TBC1D22A: variants seen among roughly 807,000 people sequenced by gnomAD.
The protein encoded by TBC1D22A is TBC1 domain family member 22A.
A neutral mutation model predicts 60.2 loss-of-function variants in TBC1D22A; 38 were observed. That is an observed-to-expected ratio of 0.63 (90% CI 0.49 to 0.83). The LOEUF (loss-of-function observed/expected upper bound fraction) is 0.83, where lower values mean the gene tolerates loss of function less well. TBC1D22A is among the 40% of genes least tolerant of loss of function. TBC1D22A has a pLI of 0.00. For missense variants in TBC1D22A, 628 were observed against 701.0 expected, an observed-to-expected ratio of 0.90 and a Z score of 1.18; for synonymous variants, 302 against 281.7, an observed-to-expected ratio of 1.07 and a Z score of -0.72.
chr22:47,067,057 G>A (rs1162023758), intron 11 of TBC1D22A, among the ~76,000 whole-genome samples: 1 of 152,158 alleles, frequency 6.6e-6, no homozygotes, highest in African/African-American at 2.4e-5. Context: ...TTTGAGGTCA[G>A]GAGTTTGAGA....
At chr22:47,086,703 G>C (rs953207785) in intron 11 of TBC1D22A, among the ~76,000 whole-genome samples, 1 of 152,064 alleles carries the variant, frequency 6.6e-6, no homozygotes, top group Non-Finnish European at 1.5e-5. Flanking sequence ...GACTTTCCTC[G>C]TACGGTGAGA....
chr22:46,986,106 G>A (rs996291234), intron 9 of TBC1D22A, among the ~76,000 whole-genome samples: 3 of 152,160 alleles, frequency 2.0e-5, no homozygotes, highest in African/African-American at 7.2e-5. Flanking sequence ...GAAGATGTCA[G>A]GCTTCATTTT....
intron 12 of TBC1D22A, among the ~76,000 whole-genome samples, chr22:47,172,752 A>T (rs189331584): frequency 6.6e-6 from 1 of 152,276 alleles, no homozygotes; most frequent in Admixed American, 6.5e-5. Flanking sequence ...CTCGGGGTGG[A>T]GTCATTGTTC....
intron 12 of TBC1D22A, among the ~76,000 whole-genome samples, chr22:47,115,414 C>T (rs1213217632): frequency 6.6e-6 from 1 of 151,930 alleles, no homozygotes; most frequent in East Asian, 1.9e-4. Context: ...CCCTGCCCCG[C>T]CCCTTTAGCC....
intron 8 of TBC1D22A, chr22:46,915,183 A>T (rs934579927): frequency 2.8e-6 from 1 of 351,514 alleles, no homozygotes; most frequent in Non-Finnish European, 5.6e-6. Context: ...ATCTTTGAAC[A>T]TTCATTCTGG....
intron 1 of TBC1D22A, among the ~76,000 whole-genome samples, chr22:46,780,448 A>G (rs2083888758): frequency 1.3e-5 from 2 of 152,166 alleles, no homozygotes; most frequent in African/African-American, 4.8e-5. Flanking sequence ...TTAAAAAAAA[A>G]AAAGCTGTTC....
chr22:47,086,491 C>T (rs1325037705), intron 11 of TBC1D22A, among the ~76,000 whole-genome samples: 3 of 152,004 alleles, frequency 2.0e-5, no homozygotes, highest in Non-Finnish European at 4.4e-5. Context: ...AAAAACAAAC[C>T]GTAGCCTTAA....
intron 3 of TBC1D22A, among the ~76,000 whole-genome samples, chr22:46,796,960 C>T (rs1054329181): frequency 1.2e-4 from 18 of 152,350 alleles, no homozygotes; most frequent in African/African-American, 3.6e-4. Flanking sequence ...GCCCTCGCAG[C>T]GCCCTGGTTC....
chr22:46,921,810 T>A (rs377604614), intron 8 of TBC1D22A, among the ~76,000 whole-genome samples: 34 of 152,186 alleles, frequency 2.2e-4, no homozygotes, highest in African/African-American at 7.9e-4. Flanking sequence ...GGTATGCAAA[T>A]ATGGTTTGCA....
At chr22:46,891,017 C>T (rs1480158949) in intron 5 of TBC1D22A, among the ~76,000 whole-genome samples, 2 of 152,138 alleles carry the variant, frequency 1.3e-5, no homozygotes, top group Non-Finnish European at 2.9e-5. Flanking sequence ...GGAGGGCCTG[C>T]ACCGGGAGGC....
intron 12 of TBC1D22A, among the ~76,000 whole-genome samples, chr22:47,167,633 C>T (rs761821938): frequency 6.6e-6 from 1 of 152,190 alleles, no homozygotes; most frequent in Non-Finnish European, 1.5e-5. Flanking sequence ...AGAAAGAAAG[C>T]TCTCAGCTGC....
chr22:46,856,455 G>T (rs573883459), intron 4 of TBC1D22A, among the ~76,000 whole-genome samples: 259 of 152,328 alleles, frequency 1.7e-3, no homozygotes, highest in African/African-American at 6.0e-3. Flanking sequence ...GTAAAAATGT[G>T]AACTTCAAGC....
chr22:47,173,726 GGCCTTGTGAGGTGGCCCCAC>G lies in TBC1D22A; in HGVS notation c.*101_*120del. Reference sequence around the variant, plus strand: ...GTGAGCTGGTCCCGGGCTGCTAAAAGGCCTTGTGAGGTGGCCCCACCCTCCAGGGGAGCTGGTGAAGATGG... The same window carrying G: ...GTGAGCTGGTCCCGGGCTGCTAAAAGCCTCCAGGGGAGCTGGTGAAGATGG... On this transcript the variant is annotated 3_prime_UTR_variant, in exon 13 of 13. Transcript: ENST00000337137. 1 of 1,554,906 alleles carries G rather than the reference GGCCTTGTGAGGTGGCCCCAC, an allele frequency of 6.4e-7. No individual in the cohort carries two copies.
chr22:46,957,402 C>T (rs941289007), intron 8 of TBC1D22A, among the ~76,000 whole-genome samples: 8 of 152,118 alleles, frequency 5.3e-5, no homozygotes, highest in Non-Finnish European at 5.9e-5. Context: ...TGGTGGAAGG[C>T]GAAGGGAAAG....
intron 11 of TBC1D22A, among the ~76,000 whole-genome samples, chr22:47,043,286 G>C (rs1243738438): frequency 6.6e-6 from 1 of 152,186 alleles, no homozygotes; most frequent in Non-Finnish European, 1.5e-5. Flanking sequence ...ATTCTGGCTT[G>C]GAGTGCCTGG....
chr22:46,901,238 G>A (rs778613250), intron 7 of TBC1D22A, among the ~76,000 whole-genome samples: 14 of 152,198 alleles, frequency 9.2e-5, no homozygotes, highest in East Asian at 3.8e-4. Flanking sequence ...GATGTGCCAC[G>A]CTGCCAGACG....
At chr22:47,077,060 T>C (rs2064257909) in intron 11 of TBC1D22A, among the ~76,000 whole-genome samples, 1 of 152,188 alleles carries the variant, frequency 6.6e-6, no homozygotes, top group Non-Finnish European at 1.5e-5. Context: ...CAAAATGTAA[T>C]CACATGGCTG....
At chr22:46,999,702 T>G (rs1298812954) in intron 10 of TBC1D22A, among the ~76,000 whole-genome samples, 1 of 152,092 alleles carries the variant, frequency 6.6e-6, no homozygotes, top group Non-Finnish European at 1.5e-5. Flanking sequence ...CAGAGGATAT[T>G]CTAGGAAGAA....
intron 11 of TBC1D22A, among the ~76,000 whole-genome samples, chr22:47,048,768 G>C (rs9615124): frequency 1.3e-5 from 2 of 151,698 alleles, no homozygotes; most frequent in African/African-American, 2.4e-5. Flanking sequence ...GCCCAGCTCT[G>C]GGGGGAGGTG....
Sources: gnomAD v4.1 joint callset for allele counts (sites outside exome capture counted in the v4.1 genomes callset) on GRCh38, gnomAD v4.1.1 for gene constraint, MANE v1.5 for transcripts, NCBI Gene and HGNC (gene_info 2026-07-23, HGNC 2026-07-21) for gene names.